The following BTAF1 variants were observed in gnomAD, a reference collection of about 807,000 sequenced individuals.
BTAF1 encodes TATA-binding protein-associated factor 172.
A neutral mutation model predicts 227.1 loss-of-function variants in BTAF1; 38 were observed. The ratio of observed to expected loss-of-function variants is 0.17; its 90% CI spans 0.13 to 0.22. The LOEUF (loss-of-function observed/expected upper bound fraction) is 0.22, where lower values mean the gene tolerates loss of function less well. Ranked by LOEUF, BTAF1 falls within the 10% of genes least tolerant of loss-of-function variation. BTAF1 has a pLI of 1.00. For missense variants in BTAF1, 1,598 were observed against 2,204.0 expected (o/e 0.73, Z 5.51); for synonymous variants, 742 against 751.9 (o/e 0.99, Z 0.21).
intron 4 of BTAF1, among the ~76,000 whole-genome samples, chr10:91,949,211 G>A (rs922909805): frequency 1.3e-5 from 2 of 152,094 alleles, no homozygotes; most frequent in Admixed American, 6.6e-5. Context: ...TACTCAGGAC[G>A]CTGAGGTGGG....
chr10:91,964,363 T>C (rs187656346), intron 13 of BTAF1, among the ~76,000 whole-genome samples, 162 bp downstream of exon 13: 1 of 152,278 alleles, frequency 6.6e-6, no homozygotes, highest in East Asian at 1.9e-4. Flanking sequence ...TTTTTTACTC[T>C]AGCCATTCGG....
intron 37 of BTAF1, 26 bp from the exon 38 acceptor site, chr10:92,028,764 T>TTA (rs752419971): frequency 2.3e-5 from 37 of 1,575,328 alleles, no homozygotes; most frequent in Non-Finnish European, 2.8e-5. Flanking sequence ...ATTTTATTTT[T>TTA]TTTTTTTTTG....
In BTAF1 at chr10:92,028,977, TTCTGCTGATATTCA is replaced by T; in HGVS notation, c.*45_*58del. 6.6e-7 allele frequency: 1 copy of T among 1,521,410 alleles called. No homozygotes were observed. 94.2% of individuals were successfully genotyped at this position (1,521,410 alleles called of 1,614,324 possible). On this transcript the variant is annotated 3_prime_UTR_variant, in exon 38 of 38. Coordinates refer to ENST00000265990, the MANE Select transcript of BTAF1 (RefSeq NM_003972.3). ...GCAATTGCTGCTAGTTCAGTTACAT[TTCTGCTGATATTCA>T]GCAAATTTCTAAGTTTATGGTGAAC... is the stretch of plus-strand genomic sequence containing the variant.
At chr10:91,947,162 A>G (rs1302459453) in intron 4 of BTAF1, among the ~76,000 whole-genome samples, 1 of 152,076 alleles carries the variant, frequency 6.6e-6, no homozygotes, top group African/African-American at 2.4e-5. Flanking sequence ...CATATTTTCT[A>G]CTGCTCTATA....
chr10:91,935,136 A>T (rs11592774), intron 1 of BTAF1: 45,853 of 152,050 alleles, frequency 0.3, 8,475 homozygotes, highest in South Asian at 0.52. Context: ...TAATTGACAG[A>T]TAAATGTACA....
intron 7 of BTAF1, among the ~76,000 whole-genome samples, chr10:91,956,970 A>C (rs1473133729): frequency 6.6e-6 from 1 of 152,168 alleles, no homozygotes; most frequent in African/African-American, 2.4e-5. Context: ...AGCCTGGCCT[A>C]CAGGGCGAGT....
At chr10:91,958,619 C>T (rs983567012) in intron 8 of BTAF1, among the ~76,000 whole-genome samples, 2 of 152,110 alleles carry the variant, frequency 1.3e-5, no homozygotes, top group Non-Finnish European at 2.9e-5. Context: ...AGGAGAATCG[C>T]TTGAACCCGG....
rs757106945 is a variant in BTAF1, at chr10:91,982,731, G to C, written c.2193G>C (p.Leu731Phe). 6.2e-7 allele frequency: 1 copy of C among 1,611,874 alleles called. No individual in the cohort carries two copies. The highest frequency in any genetic ancestry group is 8.5e-7 in the Non-Finnish European group (1 of 1,178,926). Residue 731 changes from leucine to phenylalanine, a missense_variant, in exon 18 of 38, where the codon TTG becomes TTC. Physicochemically the swap from Leu to Phe is conservative, Grantham distance 22. Coordinates refer to ENST00000265990, the MANE Select transcript of BTAF1 (RefSeq NM_003972.3). Reference protein sequence around the residue: ...KSALQRISVALVICEWAALQK... With the variant: ...KSALQRISVAFVICEWAALQK... ...CTTTACAGAGGATTAGTGTAGCTTT[G>C]GTAATCTGTGAATGGGCTGCTTTAC... is the stretch of plus-strand genomic sequence containing the variant.
chr10:91,971,586 C>T (rs1174776052), intron 14 of BTAF1, among the ~76,000 whole-genome samples: 1 of 151,510 alleles, frequency 6.6e-6, no homozygotes, highest in Non-Finnish European at 1.5e-5. Context: ...GATTTCCTTC[C>T]TCAGCCTCCT....
Position 91,994,522 on chromosome 10 carries a change from T to C in BTAF1, c.3200-13T>C, listed in dbSNP as rs1281703314. On this transcript the variant is annotated splice_polypyrimidine_tract_variant and intron_variant, in intron 22 of 37. Transcript: ENST00000265990. ...ATTATTTGCCAGATAATACAGACAA[T>C]ATATTTTAACAGATGGAAAATCCCT... 6.3e-7 allele frequency: 1 copy of C among 1,577,246 alleles called. No homozygotes were observed. Among genetic ancestry groups the C allele is most frequent in the African/African-American group, 1.4e-5 (1 of 73,846 alleles).
intron 1 of BTAF1, among the ~76,000 whole-genome samples, chr10:91,934,557 G>A (rs1486402044): frequency 6.6e-6 from 1 of 152,030 alleles, no homozygotes; most frequent in Non-Finnish European, 1.5e-5. Flanking sequence ...TTTACTTCAT[G>A]TATCACACTG....
At position 91,923,945 on chromosome 10, in the gene BTAF1, A is replaced by T; in HGVS notation, c.-132A>T. 1 of 1,175,998 alleles carries T rather than the reference A, an allele frequency of 8.5e-7. No individual in the cohort carries two copies. The highest frequency in any genetic ancestry group is 1.1e-6 in the Non-Finnish European group (1 of 888,668). The allele number at this position is 1,175,998 out of a possible 1,614,324, so 72.8% of individuals were successfully genotyped here. On this transcript the variant is annotated 5_prime_UTR_variant, in exon 1 of 38. Transcript: ENST00000265990. ...CAGATGCCCGAGGGCCTGCGCTGGAACGCCCCACGCCGCACCGGCCGCTCC... is the reference window on the plus strand; with the variant it reads ...CAGATGCCCGAGGGCCTGCGCTGGATCGCCCCACGCCGCACCGGCCGCTCC...
At chr10:92,014,951 G>A (rs961079200) in intron 32 of BTAF1, among the ~76,000 whole-genome samples, 18 of 152,164 alleles carry the variant, frequency 1.2e-4, no homozygotes, top group Non-Finnish European at 1.5e-5. Flanking sequence ...CATAGAAAAG[G>A]TATGGTAAAA....
Position 91,959,056 on chromosome 10 carries a change from T to G in BTAF1, c.901-9T>G. 6.2e-7 allele frequency: 1 copy of G among 1,611,986 alleles called. No homozygotes were observed. The highest frequency in any genetic ancestry group is 8.5e-7 in the Non-Finnish European group (1 of 1,178,752). On this transcript the variant is annotated splice_polypyrimidine_tract_variant and intron_variant, in intron 8 of 37. Transcript: ENST00000265990. ...TAACATCTGACATTTGCTTCTTTGTTCTTTTCAGGTTCGACATGGTGCAGG... is the reference window on the plus strand; with the variant it reads ...TAACATCTGACATTTGCTTCTTTGTGCTTTTCAGGTTCGACATGGTGCAGG...
At chr10:91,982,003 T>A (rs565090926) in intron 16 of BTAF1, 80 bp from the exon 17 acceptor site, 1 of 1,465,914 alleles carries the variant, frequency 6.8e-7, no homozygotes, top group Admixed American at 2.5e-5. Flanking sequence ...GGGATTATTT[T>A]AAAAATATCA....
chr10:92,013,563 T>A, intron 30 of BTAF1, 104 bp from the exon 31 acceptor site: 1 of 1,401,520 alleles, frequency 7.1e-7, no homozygotes, highest in African/African-American at 1.4e-5. Flanking sequence ...ATAGTGATAA[T>A]CTCTCATCTA....
intron 14 of BTAF1, among the ~76,000 whole-genome samples, chr10:91,979,690 A>C (rs937375322): frequency 6.6e-6 from 1 of 152,174 alleles, no homozygotes. Flanking sequence ...TAATTGTTTG[A>C]ATAGCAATAG....
At chr10:91,929,793 A>T (rs1220066280) in intron 1 of BTAF1, among the ~76,000 whole-genome samples, 1 of 150,332 alleles carries the variant, frequency 6.7e-6, no homozygotes, top group Non-Finnish European at 1.5e-5. Flanking sequence ...TGCCTCAAGC[A>T]TTCCTCCCGC....
At chr10:92,021,614 T>G (rs1181605509) in intron 34 of BTAF1, among the ~76,000 whole-genome samples, 1 of 151,896 alleles carries the variant, frequency 6.6e-6, no homozygotes, top group African/African-American at 2.4e-5. Context: ...CGATCTTGGC[T>G]CACTGCAAGC....
Sources: gnomAD v4.1 joint callset for allele counts (sites outside exome capture counted in the v4.1 genomes callset) on GRCh38, gnomAD v4.1.1 for gene constraint, MANE v1.5 for transcripts, NCBI Gene and HGNC (gene_info 2026-07-23, HGNC 2026-07-21) for gene names.